IL1RAPL2: variants seen among roughly 807,000 people sequenced by gnomAD.
IL1RAPL2 encodes interleukin 1 receptor accessory protein like 2.
In IL1RAPL2, 3 loss-of-function variants were observed where a neutral mutation model predicts 44.1. The ratio of observed to expected loss-of-function variants is 0.07; its 90% confidence interval spans 0.03 to 0.18. The LOEUF is 0.18. Ranked by LOEUF, IL1RAPL2 falls within the 10% of genes least tolerant of loss-of-function variation. The probability of loss-of-function intolerance (pLI) is 1.00; values close to 1 mark genes in which losing one functional copy is unlikely to be tolerated. For missense variants in IL1RAPL2, 391 were observed against 496.4 expected (o/e 0.79, Z 2.02); for synonymous variants, 181 against 178.8 (o/e 1.01, Z -0.10).
At chrX:104,885,214 A>G (rs1382380976) in intron 2 of IL1RAPL2, among the ~76,000 whole-genome samples, 3 of 111,733 alleles carry the variant, frequency 2.7e-5, no homozygotes, top group Non-Finnish European at 5.6e-5. Context: ...AGTCAAGTAA[A>G]TGATAGAATG....
chrX:104,943,831 AG>A (rs753876009), intron 2 of IL1RAPL2, among the ~76,000 whole-genome samples: 12 of 112,315 alleles, frequency 1.1e-4, no homozygotes, highest in Non-Finnish European at 2.1e-4. Context: ...AAGTTTCATG[AG>A]GGCAGAGATT....
intron 2 of IL1RAPL2, among the ~76,000 whole-genome samples, chrX:104,784,373 A>C (rs1259557621): frequency 2.7e-5 from 3 of 111,182 alleles, no homozygotes; most frequent in African/African-American, 9.8e-5. Context: ...TGAGGTAGGT[A>C]ATATCTGATA....
At chrX:104,745,325 G>T (rs1170765712) in intron 2 of IL1RAPL2, among the ~76,000 whole-genome samples, 2 of 112,111 alleles carry the variant, frequency 1.8e-5, no homozygotes, top group African/African-American at 6.5e-5. Context: ...AGTTGTACTG[G>T]AGTCACATGC....
At chrX:105,722,721 T>A (rs2038316274) in intron 7 of IL1RAPL2, among the ~76,000 whole-genome samples, 1 of 111,580 alleles carries the variant, frequency 9.0e-6, no homozygotes, top group African/African-American at 3.3e-5. Flanking sequence ...CAGGACATTG[T>A]TAAAAAATAC....
chrX:105,112,322 A>C (rs2032809391), intron 2 of IL1RAPL2, among the ~76,000 whole-genome samples: 1 of 112,126 alleles, frequency 8.9e-6, no homozygotes, highest in African/African-American at 3.2e-5. Context: ...TAAAGAGAAG[A>C]ATGTTGATTG....
chrX:105,298,092 A>G (rs1035922865), intron 5 of IL1RAPL2, among the ~76,000 whole-genome samples: 2 of 111,192 alleles, frequency 1.8e-5, no homozygotes, highest in Non-Finnish European at 3.8e-5. Flanking sequence ...AATCAAGCCA[A>G]TTAACATATC....
intron 2 of IL1RAPL2, among the ~76,000 whole-genome samples, chrX:105,027,154 C>T (rs1369798512): frequency 9.0e-6 from 1 of 111,360 alleles, no homozygotes; most frequent in Non-Finnish European, 1.9e-5. Context: ...TGTCTCTCAC[C>T]ATATACAAAA....
intron 2 of IL1RAPL2, among the ~76,000 whole-genome samples, chrX:104,666,584 C>A (rs1277589362): frequency 8.9e-6 from 1 of 112,086 alleles, no homozygotes; most frequent in African/African-American, 3.2e-5. Context: ...TGAATGAGCT[C>A]CTTTCTACTC....
At chrX:104,867,707 A>G (rs1406595602) in intron 2 of IL1RAPL2, among the ~76,000 whole-genome samples, 1 of 111,852 alleles carries the variant, frequency 8.9e-6, no homozygotes, top group East Asian at 2.8e-4. Flanking sequence ...AGGGAGGTAG[A>G]TAATCAACTA....
intron 2 of IL1RAPL2, among the ~76,000 whole-genome samples, chrX:104,751,248 G>A (rs935636032): frequency 4.5e-5 from 5 of 111,465 alleles, no homozygotes; most frequent in Admixed American, 1.9e-4. Flanking sequence ...TATTTATTGG[G>A]CACAAACTAT....
chrX:105,653,485 T>A (rs1304691577), intron 6 of IL1RAPL2, among the ~76,000 whole-genome samples: 1 of 110,704 alleles, frequency 9.0e-6, no homozygotes, highest in Non-Finnish European at 1.9e-5. Flanking sequence ...TGTGTGGTCA[T>A]TTTTCCTCCC....
At chrX:105,037,381 G>GA (rs201105665) in intron 2 of IL1RAPL2, among the ~76,000 whole-genome samples, 2,507 of 111,197 alleles carry the variant, frequency 0.023, 60 homozygotes, top group African/African-American at 0.078. Context: ...GGAAAAGATA[G>GA]AAAAAGGGTT....
chrX:104,826,938 C>CTT (rs1176113214), intron 2 of IL1RAPL2, among the ~76,000 whole-genome samples: 3,142 of 34,511 alleles, frequency 0.091, 361 homozygotes, highest in Non-Finnish European at 0.12. Flanking sequence ...GCAACCCCTG[C>CTT]TTTTTTTTTT....
chrX:104,622,587 T>A (rs766869398), intron 1 of IL1RAPL2, among the ~76,000 whole-genome samples: 1 of 111,238 alleles, frequency 9.0e-6, no homozygotes, highest in African/African-American at 3.3e-5. Context: ...ATGGGTTGCA[T>A]CTGAGCTTTT....
chrX:104,718,215 C>T (rs1931614072), intron 2 of IL1RAPL2, among the ~76,000 whole-genome samples: 1 of 111,150 alleles, frequency 9.0e-6, no homozygotes, highest in Non-Finnish European at 1.9e-5. Flanking sequence ...GTTTACAGTC[C>T]CACCAACAGT....
chrX:105,393,156 A>G (rs760435385), intron 5 of IL1RAPL2, among the ~76,000 whole-genome samples: 1 of 110,989 alleles, frequency 9.0e-6, no homozygotes, highest in East Asian at 2.9e-4. Context: ...AGGTTTTTCA[A>G]GGATAATTTG....
chrX:104,878,367 T>C (rs995240333), intron 2 of IL1RAPL2, among the ~76,000 whole-genome samples: 1 of 112,152 alleles, frequency 8.9e-6, no homozygotes, highest in Non-Finnish European at 1.9e-5. Flanking sequence ...CTCTGTGCTT[T>C]ATATATTACT....
At position 105,684,927 on chromosome X, in the gene IL1RAPL2, C is replaced by T. The variant is rs182640582; in HGVS notation, c.773-32440C>T. On this transcript the variant is annotated intron_variant, in intron 6 of 10. Transcript: ENST00000372582. Reference sequence around the variant, plus strand: ...CAGGCAAACAGGGTCTGGAGTGGAACTCCAGCAAACTCCAACAGACCTGCA... The same window carrying T: ...CAGGCAAACAGGGTCTGGAGTGGAATTCCAGCAAACTCCAACAGACCTGCA... 7.3e-3 allele frequency among the ~76,000 whole-genome samples: 814 copies of T among 112,039 alleles called. 9 individuals are homozygous for T. Among genetic ancestry groups the T allele is most frequent in the African/African-American group, 0.025 (778 of 30,817 alleles).
chrX:104,787,928 G>T (rs902786098), intron 2 of IL1RAPL2, among the ~76,000 whole-genome samples: 1 of 111,591 alleles, frequency 9.0e-6, no homozygotes, highest in Non-Finnish European at 1.9e-5. Context: ...GATTCATGTG[G>T]GTTTTAAAGC....
Sources: gnomAD v4.1 joint callset for allele counts (sites outside exome capture counted in the v4.1 genomes callset) on GRCh38, gnomAD v4.1.1 for gene constraint, MANE v1.5 for transcripts, NCBI Gene and HGNC (gene_info 2026-07-23, HGNC 2026-07-21) for gene names.